ASB9: variants seen among roughly 807,000 people sequenced by gnomAD.
ASB9 encodes the protein ankyrin repeat and SOCS box containing 9.
ASB9 carries 5 observed loss-of-function variants against 16.6 expected under a neutral mutation model. That is an observed-to-expected ratio of 0.30 (90% confidence interval 0.16 to 0.63). ASB9 has a LOEUF of 0.63. Ranked by LOEUF, ASB9 falls within the 30% of genes least tolerant of loss-of-function variation. The pLI is 0.82. For synonymous variants in ASB9, 100 were observed against 86.4 expected (o/e 1.16, Z -0.87); for missense variants, 216 against 229.4 (o/e 0.94, Z 0.38).
Position 15,258,906 on chromosome X carries a change from A to G in ASB9, c.134T>C (p.Ile45Thr). 1 of 1,211,446 alleles carries G rather than the reference A, an allele frequency of 8.3e-7. No homozygotes were observed. The highest frequency in any genetic ancestry group is 1.1e-6 in the Non-Finnish European group (1 of 895,022). Residue 45 changes from isoleucine to threonine, a missense_variant, in exon 2 of 7, where the codon ATC becomes ACC. By Grantham distance (89) the Ile-to-Thr change is moderately conservative (BLOSUM62 -1). Transcript: ENST00000380488. ...SDWSPMHEAA[I>T]HGHQLSLRNL... Reference sequence around the variant, plus strand: ...CCTCAGAGACAGCTGATGTCCGTGGATTGCAGCTTCATGCATAGGAGACCA... The same window carrying G: ...CCTCAGAGACAGCTGATGTCCGTGGGTTGCAGCTTCATGCATAGGAGACCA...
rs773018249 is a variant in ASB9 at position 15,252,306 on chromosome X, G to T, written c.381C>A (p.Ser127Arg). 3 of 1,210,968 alleles carry T rather than the reference G, an allele frequency of 2.5e-6. No homozygotes were observed. The highest frequency in any genetic ancestry group is 3.4e-6 in the Non-Finnish European group (3 of 895,114). The change falls in exon 4 of 7, where the codon AGC (serine) becomes AGA (arginine). Residue 127 changes from serine to arginine, a missense_variant. Coordinates refer to ENST00000380488, the MANE Select transcript of ASB9 (RefSeq NM_001031739.3). ...ATGCCAGATCACTCTCAGGTTGAAC[G>T]CTGGCTCCGTGCTGCAGAAGCAAAT... ...CVNLLLQHGA[S>R]VQPESDLASP...
intron 6 of ASB9, among the ~76,000 whole-genome samples, chrX:15,245,923 G>T (rs1020354768): frequency 8.9e-6 from 1 of 111,842 alleles, no homozygotes; most frequent in Non-Finnish European, 1.9e-5. Flanking sequence ...GGCCCTAACA[G>T]AAGGGCCCTG....
At chrX:15,264,443 A>G (rs1490405279) in intron 1 of ASB9, among the ~76,000 whole-genome samples, 5 of 111,734 alleles carry the variant, frequency 4.5e-5, no homozygotes, top group African/African-American at 1.6e-4. Context: ...AAATTAAGAC[A>G]TTCTTTCCCT....
chrX:15,258,735 A>T, intron 2 of ASB9, 131 bp downstream of exon 2: 1 of 473,448 alleles, frequency 2.1e-6, no homozygotes, highest in Non-Finnish European at 3.7e-6. Context: ...TTTAGACGTT[A>T]TGGTAGTTAC....
chrX:15,263,998 C>T (rs765627451), intron 1 of ASB9, among the ~76,000 whole-genome samples: 9 of 111,557 alleles, frequency 8.1e-5, no homozygotes, highest in Non-Finnish European at 1.5e-4. Flanking sequence ...GATACCATAA[C>T]GAAACACCAC....
At chrX:15,266,631 A>T (rs1422485084) in intron 1 of ASB9, among the ~76,000 whole-genome samples, 1 of 111,733 alleles carries the variant, frequency 8.9e-6, no homozygotes, top group Non-Finnish European at 1.9e-5. Flanking sequence ...TGACCCCACC[A>T]GGGTTGTATT....
At chrX:15,254,632 A>G (rs1392359043) in intron 3 of ASB9, 105 bp downstream of exon 3, 3 of 604,199 alleles carry the variant, frequency 5.0e-6, no homozygotes, top group Non-Finnish European at 5.4e-6. Context: ...AACTGTCTTC[A>G]TATTTCAAAT....
rs1328208707 is a variant in ASB9 at position 15,254,852 on chromosome X, A to G, written c.175-8T>C. 2 of 1,192,245 alleles carry G rather than the reference A, an allele frequency of 1.7e-6. No individual in the cohort carries two copies. Among genetic ancestry groups the G allele is most frequent in the Admixed American group, 2.2e-5 (1 of 45,930 alleles). On this transcript the variant is annotated splice_polypyrimidine_tract_variant and splice_region_variant and intron_variant, in intron 2 of 6. Coordinates refer to ENST00000380488, the MANE Select transcript of ASB9 (RefSeq NM_001031739.3). ...GATGTTCACAGCCCACCCCTGAAGG[A>G]GGGGAAACAGTCAGAGTAAGGGGTG...
At chrX:15,250,207 A>ATCCTCCTCC (rs1266894414) in intron 5 of ASB9, among the ~76,000 whole-genome samples, 2 of 108,605 alleles carry the variant, frequency 1.8e-5, no homozygotes, top group Admixed American at 9.8e-5. Context: ...CATCATCATC[A>ATCCTCCTCC]TCCTCCTCCT....
chrX:15,244,276 C>G lies in ASB9; in HGVS notation c.*230G>C. 1 of 349,036 alleles carries G rather than the reference C, an allele frequency of 2.9e-6. No homozygotes were observed. The highest frequency in any genetic ancestry group is 4.9e-6 in the Non-Finnish European group (1 of 205,590). 28.8% of individuals were successfully genotyped at this position (349,036 alleles called of 1,213,427 possible). On this transcript the variant is annotated 3_prime_UTR_variant, in exon 7 of 7. Transcript: ENST00000380488. ...GCAGGGAAAAAAGTCTTCATGCCTT[C>G]TAACTAATAATACAAACGTATGCAG... is the stretch of plus-strand genomic sequence containing the variant.
intron 5 of ASB9, among the ~76,000 whole-genome samples, chrX:15,249,168 G>A (rs908472918): frequency 1.8e-5 from 2 of 112,199 alleles, no homozygotes; most frequent in African/African-American, 6.5e-5. Flanking sequence ...TTAAAAATTT[G>A]CCTTTCAGCA....
intron 1 of ASB9, among the ~76,000 whole-genome samples, chrX:15,267,417 A>T (rs200696874): frequency 0.067 from 5,069 of 75,712 alleles, 52 homozygotes; most frequent in African/African-American, 0.083. Flanking sequence ...CTAAAAAAAA[A>T]ATATATATAT....
chrX:15,254,578 C>T (rs1480822908), intron 3 of ASB9, among the ~76,000 whole-genome samples, 159 bp downstream of exon 3: 4 of 112,401 alleles, frequency 3.6e-5, no homozygotes, highest in Non-Finnish European at 7.5e-5. Context: ...ATCCATCCAT[C>T]ACTAAAGCAA....
chrX:15,246,980 C>T (rs753269340), intron 6 of ASB9, among the ~76,000 whole-genome samples: 1 of 111,701 alleles, frequency 9.0e-6, no homozygotes, highest in Non-Finnish European at 1.9e-5. Context: ...CTAACACCCA[C>T]GCAAAGCCCA....
intron 5 of ASB9, 26 bp from the exon 6 acceptor site, chrX:15,248,961 A>G (rs749839643): frequency 3.5e-6 from 4 of 1,134,880 alleles, no homozygotes; most frequent in South Asian, 4.6e-5. Context: ...AACAAAAAAG[A>G]GTCAGCAAGG....
At chrX:15,268,502 T>C (rs1340677953) in intron 1 of ASB9, among the ~76,000 whole-genome samples, 2 of 95,869 alleles carry the variant, frequency 2.1e-5, no homozygotes, top group East Asian at 4.3e-4. Flanking sequence ...CTAGGTGCAC[T>C]GCAACCTCCG....
chrX:15,265,271 C>A (rs1926289058), intron 1 of ASB9, among the ~76,000 whole-genome samples: 1 of 111,721 alleles, frequency 9.0e-6, no homozygotes, highest in South Asian at 3.8e-4. Flanking sequence ...CTATCATGTC[C>A]AAAACAGAAC....
intron 1 of ASB9, among the ~76,000 whole-genome samples, chrX:15,266,763 C>T (rs1032650820): frequency 6.4e-5 from 7 of 109,371 alleles, no homozygotes; most frequent in Admixed American, 1.9e-4. Context: ...GGTGAAACCC[C>T]GTCTCTACTA....
rs1347742746 is a variant in ASB9, at chrX:15,244,602, G to A, written c.789C>T (p.Arg263=). ...TTCCAAAACACTTCCGAATTCTAAG[G>A]CGGCATAACTGCATCAAAGAAGGGG... ...EGPPSLMQLC[R]LRIRKCFGIQ... Residue 263 remains arginine (R), a synonymous_variant, in exon 7 of 7, where the codon CGC becomes CGT. Transcript: ENST00000380488. The A allele has an allele frequency of 8.3e-7, 1 of 1,200,847 alleles. No homozygotes were observed. Among genetic ancestry groups the A allele is most frequent in the Non-Finnish European group, 1.1e-6 (1 of 888,921 alleles).
Sources: allele counts gnomAD v4.1 joint callset (sites outside exome capture counted in the v4.1 genomes callset), GRCh38; gene constraint gnomAD v4.1.1; transcripts MANE v1.5; gene names NCBI Gene and HGNC (gene_info 2026-07-23, HGNC 2026-07-21).